The following GOSR1 variants were observed in gnomAD, a reference collection of about 807,000 sequenced individuals.
GOSR1 encodes the protein golgi SNAP receptor complex member 1.
In GOSR1, 21 loss-of-function variants were observed where a neutral mutation model predicts 35.5. The ratio of observed to expected loss-of-function variants is 0.59; its 90% CI spans 0.42 to 0.85. The LOEUF (loss-of-function observed/expected upper bound fraction) is 0.85, where lower values mean the gene tolerates loss of function less well. Among genes scored for constraint, GOSR1 ranks in the 40% least tolerant of loss-of-function variants. GOSR1 has a pLI of 0.00. For missense variants in GOSR1, 285 were observed against 309.6 expected, an observed-to-expected ratio of 0.92 and a Z score of 0.60; for synonymous variants, 94 against 106.6, an observed-to-expected ratio of 0.88 and a Z score of 0.73.
At chr17:30,490,502 C>G (rs1175207044) in intron 5 of GOSR1, among the ~76,000 whole-genome samples, 2 of 152,256 alleles carry the variant, frequency 1.3e-5, no homozygotes, top group East Asian at 3.9e-4. Flanking sequence ...TCTCTGATCT[C>G]TTACCTCCCA....
chr17:30,487,347 T>C (rs1274138764), intron 4 of GOSR1, among the ~76,000 whole-genome samples: 1 of 152,090 alleles, frequency 6.6e-6, no homozygotes, highest in Non-Finnish European at 1.5e-5. Flanking sequence ...AAAGAAACCA[T>C]AAAGCAGAGG....
At chr17:30,479,666 G>C (rs1187052862) in intron 1 of GOSR1, 1 of 152,172 alleles carries the variant, frequency 6.6e-6, no homozygotes, top group Non-Finnish European at 1.5e-5. Flanking sequence ...CCACCACCAC[G>C]CCTGGCTAAT....
chr17:30,516,142 C>A (rs1967798643), intron 7 of GOSR1, among the ~76,000 whole-genome samples: 1 of 151,198 alleles, frequency 6.6e-6, no homozygotes, highest in Non-Finnish European at 1.5e-5. Context: ...GTACAGTGTT[C>A]TTATTGTAAC....
intron 7 of GOSR1, among the ~76,000 whole-genome samples, chr17:30,514,075 A>G (rs554551221): frequency 5.9e-5 from 9 of 152,366 alleles, no homozygotes; most frequent in Admixed American, 3.3e-4. Context: ...CACATTTTCA[A>G]TGTATCACAT....
intron 7 of GOSR1, among the ~76,000 whole-genome samples, chr17:30,514,795 C>G (rs1218440259): frequency 1.3e-5 from 2 of 152,152 alleles, no homozygotes; most frequent in Non-Finnish European, 1.5e-5. Flanking sequence ...TTCTGTTGAT[C>G]TTTTTGTTTA....
At chr17:30,495,113 G>A (rs148346100) in intron 6 of GOSR1, among the ~76,000 whole-genome samples, 2,007 of 150,656 alleles carry the variant, frequency 0.013, 38 homozygotes, top group African/African-American at 0.047. Context: ...GCTTGAACCC[G>A]GGAGGCGGAG....
intron 7 of GOSR1, among the ~76,000 whole-genome samples, chr17:30,518,509 C>T (rs1967902343): frequency 6.6e-6 from 1 of 151,924 alleles, no homozygotes; most frequent in Admixed American, 6.5e-5. Flanking sequence ...TTTATAATGT[C>T]AACATGCAAA....
rs1968082819 is a variant in GOSR1, at chr17:30,522,760, C to G, written c.*382C>G. 6.4e-6 allele frequency: 1 copy of G among 157,318 alleles called. No individual in the cohort carries two copies. Among genetic ancestry groups the G allele is most frequent in the Admixed American group, 6.5e-5 (1 of 15,420 alleles). 9.7% of individuals were successfully genotyped at this position (157,318 alleles called of 1,614,324 possible). Reference sequence around the variant, plus strand: ...ACCAGGTTTCTACATCCAAAGACTGCTTTTCTTTTAGCTGCCAGATTGGAT... The same window carrying G: ...ACCAGGTTTCTACATCCAAAGACTGGTTTTCTTTTAGCTGCCAGATTGGAT... On this transcript the variant is annotated 3_prime_UTR_variant, in exon 9 of 9. Coordinates refer to ENST00000451249, the MANE Select transcript of GOSR1 (RefSeq NM_001007025.2).
intron 7 of GOSR1, among the ~76,000 whole-genome samples, chr17:30,518,260 T>C (rs1224043057): frequency 6.6e-6 from 1 of 152,122 alleles, no homozygotes; most frequent in East Asian, 1.9e-4. Context: ...TCAGAGAGTA[T>C]AGCCCTCTAC....
intron 5 of GOSR1, among the ~76,000 whole-genome samples, chr17:30,490,887 G>A (rs188804349): frequency 4.9e-4 from 74 of 152,096 alleles, no homozygotes; most frequent in Non-Finnish European, 9.7e-4. Context: ...AGTCCCATGG[G>A]CGTCTCATTG....
intron 8 of GOSR1, 111 bp from the exon 9 acceptor site, chr17:30,522,143 A>G: frequency 1.2e-6 from 1 of 836,238 alleles, no homozygotes; most frequent in East Asian, 2.7e-5. Context: ...TTTCTTCCCC[A>G]TGCCTTTCAT....
rs147175033 is a variant in GOSR1, at chr17:30,504,910, A to G, written c.510-5970A>G. On this transcript the variant is annotated intron_variant, in intron 6 of 8. Coordinates refer to ENST00000451249, the MANE Select transcript of GOSR1 (RefSeq NM_001007025.2). ...CTGACCTCTATGGTTGAGAACAGAT[A>G]CAAGAGAATTATAGAAAGCAGATAG... 1.4e-4 allele frequency among the ~76,000 whole-genome samples: 21 copies of G among 152,380 alleles called. No individual in the cohort carries two copies. In the East Asian group the frequency reaches 3.3e-3, roughly 24 times the overall value.
rs1467721297 is a variant in GOSR1, at chr17:30,527,426, A to G, written c.*5048A>G. ...AGTTGTGCAACCAGCCCCACTGTCT[A>G]ATTTTAGAGCTTTGCAATTAATCCA... On this transcript the variant is annotated 3_prime_UTR_variant, in exon 9 of 9. Coordinates refer to ENST00000451249, the MANE Select transcript of GOSR1 (RefSeq NM_001007025.2). 6.6e-6 allele frequency: 1 copy of G among 152,198 alleles called. No homozygotes were observed. Among genetic ancestry groups the G allele is most frequent in the Non-Finnish European group, 1.5e-5 (1 of 68,034 alleles). 9.4% of individuals were successfully genotyped at this position (152,198 alleles called of 1,614,324 possible). A position where few individuals can be genotyped will look rare whatever the true frequency, so the allele number is the denominator to read the frequency against.
chr17:30,499,712 A>G (rs562619605), intron 6 of GOSR1, among the ~76,000 whole-genome samples: 26 of 152,326 alleles, frequency 1.7e-4, no homozygotes, highest in Non-Finnish European at 3.1e-4. Context: ...GTTCCAATTT[A>G]TAAGAAAGTG....
In GOSR1 at chr17:30,523,125, C is replaced by T. The variant is rs535188829; in HGVS notation, c.*747C>T. 3.8e-5 allele frequency: 7 copies of T among 182,742 alleles called. No individual in the cohort carries two copies. Among genetic ancestry groups the T allele is most frequent in the South Asian group, 3.0e-4 (3 of 10,118 alleles). 11.3% of individuals were successfully genotyped at this position (182,742 alleles called of 1,614,324 possible). A position where few individuals can be genotyped will look rare whatever the true frequency, so the allele number is the denominator to read the frequency against. On this transcript the variant is annotated 3_prime_UTR_variant, in exon 9 of 9. Transcript: ENST00000451249. ...CACCTGCCTTGGCCTCCCAAAGTGC[C>T]GAGATTGCAGCCTCTGCCCGGCCGC...
chr17:30,505,905 G>C (rs1017398890), intron 6 of GOSR1, among the ~76,000 whole-genome samples: 8 of 152,118 alleles, frequency 5.3e-5, no homozygotes, highest in African/African-American at 1.9e-4. Flanking sequence ...TCTTAAAATT[G>C]TTTGTATAGA....
At chr17:30,500,919 C>T (rs1268163538) in intron 6 of GOSR1, among the ~76,000 whole-genome samples, 1 of 146,092 alleles carries the variant, frequency 6.8e-6, no homozygotes, top group South Asian at 2.1e-4. Flanking sequence ...CTCGCTCTGT[C>T]GCCCAGGCTG....
intron 2 of GOSR1, among the ~76,000 whole-genome samples, chr17:30,483,855 G>T (rs8081610): frequency 6.6e-6 from 1 of 152,310 alleles, no homozygotes; most frequent in Admixed American, 6.5e-5. Context: ...AAGGATGATT[G>T]CATACTGTAA....
At chr17:30,499,092 C>A (rs1296408222) in intron 6 of GOSR1, among the ~76,000 whole-genome samples, 2 of 152,162 alleles carry the variant, frequency 1.3e-5, no homozygotes, top group Non-Finnish European at 2.9e-5. Context: ...GAATTTTATA[C>A]AAATGAATTC....
Sources: allele counts gnomAD v4.1 joint callset (sites outside exome capture counted in the v4.1 genomes callset), GRCh38; gene constraint gnomAD v4.1.1; transcripts MANE v1.5; gene names NCBI Gene and HGNC (gene_info 2026-07-23, HGNC 2026-07-21).